The following FAT4 variants were observed in gnomAD, a reference collection of about 807,000 sequenced individuals.
FAT4 encodes protocadherin Fat 4.
In FAT4, 84 loss-of-function variants were observed where a neutral mutation model predicts 303.9. The ratio of observed to expected loss-of-function variants is 0.28; its 90% confidence interval spans 0.23 to 0.33. FAT4 has a LOEUF of 0.33. Among genes scored for constraint, FAT4 ranks in the 10% least tolerant of loss-of-function variants. FAT4 has a pLI of 1.00. For synonymous variants in FAT4, 2,307 were observed against 2,298.8 expected, an observed-to-expected ratio of 1.00 and a Z score of -0.10; for missense variants, 6,005 against 6,146.8, an observed-to-expected ratio of 0.98 and a Z score of 0.77.
rs200302369 is a variant in FAT4, at chr4:125,491,403, A to G, written c.14587A>G (p.Met4863Val). 6.1e-5 allele frequency: 99 copies of G among 1,613,994 alleles called. No homozygotes were observed. Among genetic ancestry groups the G allele is most frequent in the Admixed American group, 2.0e-4 (12 of 60,002 alleles). Residue 4863 changes from methionine (M) to valine (V), a missense_variant, in exon 18 of 18, where the codon ATG becomes GTG. By Grantham distance (21) the Met-to-Val change is conservative (BLOSUM62 1). Coordinates refer to ENST00000394329, the MANE Select transcript of FAT4 (RefSeq NM_001291303.3). Reference sequence around the variant, plus strand: ...AATGGAATATGACAGGGAGAAGCCAATGGTATATACTTCCAGAATGCCCAA... The same window carrying G: ...AATGGAATATGACAGGGAGAAGCCAGTGGTATATACTTCCAGAATGCCCAA... ...SEMEYDREKP[M>V]VYTSRMPKLS...
chr4:125,449,708 G>A lies in FAT4; in HGVS notation c.8698G>A (p.Asp2900Asn). 2 of 1,613,944 alleles carry A rather than the reference G, an allele frequency of 1.2e-6. No individual in the cohort carries two copies. The highest frequency in any genetic ancestry group is 1.7e-6 in the Non-Finnish European group (2 of 1,179,906). ...GSKVTQVFAT[D>N]PDEGSNGQVF... is the part of the protein sequence containing the mutation. Reference sequence around the variant, plus strand: ...CAAAGTAACTCAGGTATTTGCAACAGATCCTGATGAGGGATCAAATGGACA... The same window carrying A: ...CAAAGTAACTCAGGTATTTGCAACAAATCCTGATGAGGGATCAAATGGACA... The change falls in exon 10 of 18, where the codon GAT becomes AAT. Residue 2900 changes from aspartate to asparagine, a missense_variant. Asp to Asn is a conservative substitution (Grantham distance 23). Coordinates refer to ENST00000394329, the MANE Select transcript of FAT4 (RefSeq NM_001291303.3).
chr4:125,322,394 T>C (rs1029544586), intron 2 of FAT4, among the ~76,000 whole-genome samples: 38 of 152,306 alleles, frequency 2.5e-4, no homozygotes, highest in African/African-American at 8.2e-4. Flanking sequence ...CCCTGGAGTG[T>C]ATTTTAGGCT....
rs1340377727 is a variant in FAT4 at position 125,382,528 on chromosome 4, C to A, written c.5176-16256C>A. ...CAGCAAATCATGCTGTAAACATTTG[C>A]TGTCATCCAGGGTTTGTTGTTTCAT... On this transcript the variant is annotated intron_variant, in intron 2 of 17. Coordinates refer to ENST00000394329, the MANE Select transcript of FAT4 (RefSeq NM_001291303.3). Among the ~76,000 whole-genome samples the A allele has an allele frequency of 2.0e-5, 3 of 152,126 alleles. No homozygotes were observed. In the East Asian group the frequency reaches 5.8e-4, roughly 29 times the overall value.
At position 125,432,316 on chromosome 4, in the gene FAT4, C is replaced by A. The variant is rs566664805; in HGVS notation, c.7019-1929C>A. On this transcript the variant is annotated intron_variant, in intron 7 of 17. Coordinates refer to ENST00000394329, the MANE Select transcript of FAT4 (RefSeq NM_001291303.3). ...TAGGTCTGTGGCCTTGAAAAAGCTACTTAAACTTTCTAAACTTGAGCTTAC... is the reference window on the plus strand; with the variant it reads ...TAGGTCTGTGGCCTTGAAAAAGCTAATTAAACTTTCTAAACTTGAGCTTAC... Among the ~76,000 whole-genome samples the A allele has an allele frequency of 2.0e-5, 3 of 152,292 alleles. No homozygotes were observed. The East Asian group carries it at 5.8e-4, about 29-fold the overall frequency.
In FAT4 at chr4:125,492,323, G is replaced by C. The variant is rs1024283391; in HGVS notation, c.*555G>C. On this transcript the variant is annotated 3_prime_UTR_variant, in exon 18 of 18. Transcript: ENST00000394329. ...TTTGAGTAAGTTTTACATGACAGTG[G>C]GTACTGAAATTAAGTCATTTTGTTC... 1 of 152,606 alleles carries C rather than the reference G, an allele frequency of 6.6e-6. No homozygotes were observed. The highest frequency in any genetic ancestry group is 2.4e-5 in the African/African-American group (1 of 41,378). The allele number at this position is 152,606 out of a possible 1,614,324, so 9.5% of individuals were successfully genotyped here.
chr4:125,340,281 A>G lies in FAT4; in HGVS notation c.5175+18695A>G, dbSNP rs866235347. 1.2e-4 allele frequency among the ~76,000 whole-genome samples: 19 copies of G among 152,348 alleles called. 1 individual carries two copies. Among genetic ancestry groups the G allele is most frequent in the African/African-American group, 4.1e-4 (17 of 41,596 alleles). On this transcript the variant is annotated intron_variant, in intron 2 of 17. Transcript: ENST00000394329. Reference sequence around the variant, plus strand: ...TTAGGTGGATATTTATTTAAAATGCATATTACTTTTCAGAAGATTTCATGA... The same window carrying G: ...TTAGGTGGATATTTATTTAAAATGCGTATTACTTTTCAGAAGATTTCATGA...
rs1253962038 is a variant in FAT4 at position 125,414,953 on chromosome 4, A to G, written c.5990A>G (p.Asn1997Ser). The change falls in exon 6 of 18, where the codon AAT becomes AGT. Residue 1997 changes from asparagine to serine, a missense_variant. Physicochemically the swap from Asn to Ser is conservative, Grantham distance 46 (BLOSUM62 1). Coordinates refer to ENST00000394329, the MANE Select transcript of FAT4 (RefSeq NM_001291303.3). ...DSLGQFTVDKNGVLKVLKALD... is the reference protein window; with the variant it reads ...DSLGQFTVDKSGVLKVLKALD... ...CTTGGGCAGTTTACTGTTGACAAGAATGGTGTACTCAAAGTCCTAAAAGCT... is the reference window on the plus strand; with the variant it reads ...CTTGGGCAGTTTACTGTTGACAAGAGTGGTGTACTCAAAGTCCTAAAAGCT... 1.2e-6 allele frequency: 2 copies of G among 1,613,766 alleles called. No homozygotes were observed. The highest frequency in any genetic ancestry group is 3.3e-5 in the Admixed American group (2 of 59,976).
chr4:125,428,583 G>A (rs1185245065), intron 7 of FAT4, among the ~76,000 whole-genome samples: 1 of 151,810 alleles, frequency 6.6e-6, no homozygotes, highest in Non-Finnish European at 1.5e-5. Flanking sequence ...TCAGAATTTG[G>A]GTTTTCTTTT....
In FAT4 at chr4:125,315,336, A is replaced by AAAG. The variant is rs1297549343; in HGVS notation, c.-653_-651dup. Among the ~76,000 whole-genome samples the AAAG allele has an allele frequency of 6.6e-6, 1 of 152,122 alleles. No individual in the cohort carries two copies. The highest frequency in any genetic ancestry group is 2.4e-5 in the African/African-American group (1 of 41,446). ...ATCAACCACCCCCCGCCCCAAACAA[A>AAAG]AAGCCTTGTGGATTACAAAGTGAAA... is the stretch of plus-strand genomic sequence containing the variant. On this transcript the variant is annotated 5_prime_UTR_variant, in exon 1 of 18. Transcript: ENST00000394329.
At chr4:125,422,415 GAA>G (rs1359282545) in intron 7 of FAT4, among the ~76,000 whole-genome samples, 1 of 152,170 alleles carries the variant, frequency 6.6e-6, no homozygotes, top group Non-Finnish European at 1.5e-5. Context: ...GGACCTGGTG[GAA>G]AGTTATTGAA....
At chr4:125,331,654 A>G (rs1025289890) in intron 2 of FAT4, among the ~76,000 whole-genome samples, 4 of 152,112 alleles carry the variant, frequency 2.6e-5, no homozygotes, top group African/African-American at 9.7e-5. Flanking sequence ...ACCTTATCTA[A>G]TTTTGCTTTA....
chr4:125,489,053 G>C (rs540177094), intron 17 of FAT4, among the ~76,000 whole-genome samples: 1 of 152,098 alleles, frequency 6.6e-6, no homozygotes, highest in Non-Finnish European at 1.5e-5. Flanking sequence ...TAAATAAGAG[G>C]AAAAAAATGC....
At chr4:125,469,677 A>C (rs1002630725) in intron 12 of FAT4, among the ~76,000 whole-genome samples, 1 of 152,186 alleles carries the variant, frequency 6.6e-6, no homozygotes, top group Non-Finnish European at 1.5e-5. Flanking sequence ...AGATTGTAGC[A>C]GCTCAATCAC....
chr4:125,492,003 A>T lies in FAT4; in HGVS notation c.*235A>T. 2 of 491,368 alleles carry T rather than the reference A, an allele frequency of 4.1e-6. No homozygotes were observed. Among genetic ancestry groups the T allele is most frequent in the Non-Finnish European group, 7.0e-6 (2 of 284,940 alleles). The allele number at this position is 491,368 out of a possible 1,614,324, so 30.4% of individuals were successfully genotyped here. ...CATGCATTGTGTTTTGTAACTAGTT[A>T]TGTGGCATGCAGCATTTGGAAAATT... On this transcript the variant is annotated 3_prime_UTR_variant, in exon 18 of 18. Transcript: ENST00000394329.
Position 125,416,574 on chromosome 4 carries a change from C to T in FAT4, c.6970C>T (p.Arg2324Trp), listed in dbSNP as rs559079176. 2.7e-5 allele frequency: 43 copies of T among 1,613,868 alleles called. No individual in the cohort carries two copies. The Middle Eastern group carries it at 8.3e-4, about 31-fold the overall frequency. Residue 2324 changes from arginine to tryptophan, a missense_variant, in exon 7 of 18, where the codon CGG becomes TGG. Physicochemically the swap from Arg to Trp is moderately radical, Grantham distance 101. Coordinates refer to ENST00000394329, the MANE Select transcript of FAT4 (RefSeq NM_001291303.3). Reference protein sequence around the residue: ...GELGVTQSLDRETKERFVLMI... With the variant: ...GELGVTQSLDWETKERFVLMI... ...ACTTGGAGTAACACAGAGTCTGGAT[C>T]GGGAAACAAAAGAGCGCTTTGTCTT...
Position 125,490,773 on chromosome 4 carries a change from A to G in FAT4, c.13957A>G (p.Ile4653Val), listed in dbSNP as rs748401687. ...CCGCAGCCACACACCAAAATTTTCA[A>G]TCCAGAGGCACAGTCCCCTAGGCTT... ...QFRSHTPKFSIQRHSPLGFAR... is the reference protein window; with the variant it reads ...QFRSHTPKFSVQRHSPLGFAR... Residue 4653 changes from isoleucine (I) to valine (V), a missense_variant, in exon 18 of 18, where the codon ATC (isoleucine) becomes GTC (valine). By Grantham distance (29) the Ile-to-Val change is conservative. Transcript: ENST00000394329. 3.1e-6 allele frequency: 5 copies of G among 1,614,016 alleles called. No homozygotes were observed. The South Asian group carries it at 3.3e-5, about 11-fold the overall frequency.
intron 3 of FAT4, 93 bp downstream of exon 3, chr4:125,399,008 A>C (rs1734286179): frequency 3.3e-6 from 4 of 1,200,110 alleles, no homozygotes; most frequent in Middle Eastern, 2.0e-4. Context: ...TTACCCAATA[A>C]TTAAGGTTAA....
At chr4:125,438,621 TA>T (rs1285502261) in intron 8 of FAT4, among the ~76,000 whole-genome samples, 2 of 152,170 alleles carry the variant, frequency 1.3e-5, no homozygotes, top group African/African-American at 4.8e-5. Flanking sequence ...GTCTTGTGAA[TA>T]AAAAACATTC....
At chr4:125,353,243 C>G (rs1260133410) in intron 2 of FAT4, among the ~76,000 whole-genome samples, 7 of 151,600 alleles carry the variant, frequency 4.6e-5, no homozygotes, top group Non-Finnish European at 1.0e-4. Flanking sequence ...AAATGAAAAC[C>G]AGCCAGCATT....
Sources: gnomAD v4.1 joint callset for allele counts (sites outside exome capture counted in the v4.1 genomes callset) on GRCh38, gnomAD v4.1.1 for gene constraint, MANE v1.5 for transcripts, NCBI Gene and HGNC (gene_info 2026-07-23, HGNC 2026-07-21) for gene names.